DUOX2: variants seen among roughly 807,000 people sequenced by gnomAD.
DUOX2 encodes the protein dual oxidase 2.
Under a neutral mutation model 183.3 loss-of-function variants are expected in DUOX2, and 185 were observed. The ratio of observed to expected loss-of-function variants is 1.01; its 90% CI spans 0.90 to 1.14. The LOEUF (loss-of-function observed/expected upper bound fraction) is 1.14, where lower values mean the gene tolerates loss of function less well. Among genes scored for constraint, DUOX2 ranks in the 50% most tolerant of loss-of-function variants. DUOX2 has a pLI of 0.00. For synonymous variants in DUOX2, 788 were observed against 812.4 expected, an observed-to-expected ratio of 0.97 and a Z score of 0.51; for missense variants, 1,999 against 2,022.9, an observed-to-expected ratio of 0.99 and a Z score of 0.23.
intron 20 of DUOX2, among the ~76,000 whole-genome samples, chr15:45,102,305 G>T (rs1480090069): frequency 2.0e-5 from 3 of 152,196 alleles, no homozygotes; most frequent in African/African-American, 7.2e-5. Flanking sequence ...CTCGTGGCAG[G>T]CTCTCTGTCC....
chr15:45,113,404 C>T lies in DUOX2; in HGVS notation c.8G>A (p.Arg3His). ML[R>H]ARPEALMLLG... is the part of the protein sequence containing the mutation. ...GAGCATCAGTGCCTCTGGTCTTGCA[C>T]GGAGCATGCCAACCCTGCAGCCTGC... The change falls in exon 2 of 34, where the codon CGT becomes CAT. Residue 3 changes from arginine to histidine, a missense_variant. Physicochemically the swap from Arg to His is conservative, Grantham distance 29. Transcript: ENST00000389039. The T allele has an allele frequency of 6.4e-7, 1 of 1,562,898 alleles. No homozygotes were observed. The highest frequency in any genetic ancestry group is 1.2e-5 in the South Asian group (1 of 85,048).
rs760019432 is a variant in DUOX2, at chr15:45,106,860, G to A, written c.1803C>T (p.Thr601=). The A allele has an allele frequency of 1.1e-5, 18 of 1,592,170 alleles. No individual in the cohort carries two copies. Among genetic ancestry groups the A allele is most frequent in the Non-Finnish European group, 4.3e-6 (5 of 1,170,154 alleles). The part of the protein sequence containing the change: ...FEGSSPGFAI[T]IIALCCLPLV... ...AGGGAAGGCAGCAGAGAGCAATGAT[G>A]GTGATGGCAAAACCAGGGCTGCTGC... Residue 601 remains threonine, a synonymous_variant, in exon 15 of 34, where the codon ACC becomes ACT. Coordinates refer to ENST00000389039, the MANE Select transcript of DUOX2 (RefSeq NM_001363711.2).
chr15:45,110,406 T>A (rs771055291), intron 9 of DUOX2, 22 bp downstream of exon 9: 1 of 1,605,846 alleles, frequency 6.2e-7, no homozygotes, highest in South Asian at 1.1e-5. Flanking sequence ...GTGGTGCCCC[T>A]CTCTGCCAAC....
chr15:45,103,607 AGC>A (rs760914571), intron 20 of DUOX2, among the ~76,000 whole-genome samples: 1 of 152,208 alleles, frequency 6.6e-6, no homozygotes, highest in Non-Finnish European at 1.5e-5. Flanking sequence ...CACTGGGTAG[AGC>A]ACGGTGTTGG....
At chr15:45,095,622 G>A in intron 30 of DUOX2, 27 bp from the exon 31 acceptor site, 5 of 1,614,166 alleles carry the variant, frequency 3.1e-6, no homozygotes, top group Non-Finnish European at 4.2e-6. Flanking sequence ...GAGATGAAAT[G>A]AGCCTGACCC....
rs772920789 is a variant in DUOX2 at position 45,105,600 on chromosome 15, T to G, written c.2334+43A>C. On this transcript the variant is annotated intron_variant, in intron 18 of 33. Transcript: ENST00000389039. Reference sequence around the variant, plus strand: ...TCTATGCAGCCCAGGTTTCCTCCATTTCTGGGGCTGGACCCATCTCCAAAA... The same window carrying G: ...TCTATGCAGCCCAGGTTTCCTCCATGTCTGGGGCTGGACCCATCTCCAAAA... The G allele has an allele frequency of 2.1e-5, 34 of 1,613,154 alleles. No individual in the cohort carries two copies. In the Middle Eastern group the frequency reaches 8.3e-4, roughly 39 times the overall value.
chr15:45,111,576 C>G lies in DUOX2; in HGVS notation c.523G>C (p.Val175Leu). ...PSNPRDLANQVTGWLDGSAIY... is the reference protein window; with the variant it reads ...PSNPRDLANQLTGWLDGSAIY... ...GCGCTGCCGTCCAGCCAGCCCGTCA[C>G]CTGGTTGGCCTGCGGGGCACGCGGC... The change falls in exon 6 of 34, where the codon GTG becomes CTG. Residue 175 changes from valine (V) to leucine (L), a missense_variant. This residue lies in a region of DUOX2 where 356 missense variants were observed against 356.4 expected (regional missense o/e 1.00). Coordinates refer to ENST00000389039, the MANE Select transcript of DUOX2 (RefSeq NM_001363711.2). 6.5e-7 allele frequency: 1 copy of G among 1,541,308 alleles called. No homozygotes were observed.
chr15:45,109,402 A>T, intron 11 of DUOX2, 122 bp downstream of exon 11: 1 of 804,504 alleles, frequency 1.2e-6, no homozygotes, highest in Non-Finnish European at 2.1e-6. Context: ...TGGCTCCTTG[A>T]AGTCTGTGTT....
rs1479336868 is a variant in DUOX2, at chr15:45,094,192, C to A, written c.4605G>T (p.Arg1535Ser). 12 of 1,613,964 alleles carry A rather than the reference C, an allele frequency of 7.4e-6. No individual in the cohort carries two copies. The highest frequency in any genetic ancestry group is 9.3e-6 in the Non-Finnish European group (11 of 1,180,026). The change falls in exon 34 of 34, where the codon AGG becomes AGT. Residue 1535 changes from arginine (R) to serine (S), a missense_variant. Physicochemically the swap from Arg to Ser is moderately radical, Grantham distance 110. Around this residue, in one of 3 missense-constraint regions of DUOX2, gnomAD observed 1,628 missense variants for 1,608.6 expected, o/e 1.01. Coordinates refer to ENST00000389039, the MANE Select transcript of DUOX2 (RefSeq NM_001363711.2). ...GGTGCATGAAGTGGGCTCGGTCCTG[C>A]CTGTTGACGAGCTGACAGGCCTTCT... Reference protein sequence around the residue: ...NVEKACQLVNRQDRAHFMHHY... With the variant: ...NVEKACQLVNSQDRAHFMHHY...
In DUOX2 at chr15:45,109,604, T is replaced by A. The variant is rs1173460334; in HGVS notation, c.1154A>T (p.Gln385Leu). Residue 385 changes from glutamine (Q) to leucine (L), a missense_variant, in exon 11 of 34, where the codon CAG becomes CTG. By Grantham distance (113) the Gln-to-Leu change is moderately radical. Transcript: ENST00000389039. Reference sequence around the variant, plus strand: ...TCCCAGCAGCAGCTCATTCACCTCCTGGGTACTGTTCAGATTGGGGTTCTG... The same window carrying A: ...TCCCAGCAGCAGCTCATTCACCTCCAGGGTACTGTTCAGATTGGGGTTCTG... The part of the protein sequence containing the change: ...IRENPNLNST[Q>L]EVNELLLGMA... 1 of 1,614,052 alleles carries A rather than the reference T, an allele frequency of 6.2e-7. No homozygotes were observed. Among genetic ancestry groups the A allele is most frequent in the African/African-American group, 1.3e-5 (1 of 74,916 alleles).
Position 45,106,544 on chromosome 15 carries a change from G to A in DUOX2, c.1929C>T (p.Ala643=), listed in dbSNP as rs1253138093. 1 of 1,614,032 alleles carries A rather than the reference G, an allele frequency of 6.2e-7. No individual in the cohort carries two copies. The change falls in exon 16 of 34, where the codon GCC becomes GCT. Residue 643 remains alanine, a synonymous_variant. Coordinates refer to ENST00000389039, the MANE Select transcript of DUOX2 (RefSeq NM_001363711.2). ...KLKESVKKEA[A]KDGVPAMEWP... is the part of the protein sequence containing the mutation. Reference sequence around the variant, plus strand: ...CCTGCTCACCTGGCACTCCATCTTTGGCTGCTTCCTTCTTCACGCTCTCTT... The same window carrying A: ...CCTGCTCACCTGGCACTCCATCTTTAGCTGCTTCCTTCTTCACGCTCTCTT...
intron 13 of DUOX2, 119 bp from the exon 14 acceptor site, chr15:45,107,582 G>A: frequency 1.8e-6 from 2 of 1,081,458 alleles, no homozygotes; most frequent in East Asian, 2.4e-5. Context: ...AGTGGCTCAT[G>A]CCTGTAATCC....
intron 17 of DUOX2, 22 bp from the exon 18 acceptor site, chr15:45,105,850 C>T: frequency 6.2e-7 from 1 of 1,613,678 alleles, no homozygotes; most frequent in Non-Finnish European, 8.5e-7. Flanking sequence ...GAAGGCGGCA[C>T]TGACGCAGGG....
chr15:45,094,041 G>T lies in DUOX2; in HGVS notation c.*109C>A. On this transcript the variant is annotated 3_prime_UTR_variant, in exon 34 of 34. Transcript: ENST00000389039. ...TTGGGAGGGGCTCTGCAGCCCTCCA[G>T]CTGAGGCCTAAGGTGGATTCTGATG... The T allele has an allele frequency of 6.8e-7, 1 of 1,480,690 alleles. No homozygotes were observed. The highest frequency in any genetic ancestry group is 1.4e-5 in the African/African-American group (1 of 72,330). 91.7% of individuals were successfully genotyped at this position (1,480,690 alleles called of 1,614,324 possible). A position where few individuals can be genotyped will look rare whatever the true frequency, so the allele number is the denominator to read the frequency against.
rs1894528187 is a variant in DUOX2 at position 45,113,916 on chromosome 15, T to C, written c.-15+57A>G. 1.5e-5 allele frequency: 3 copies of C among 203,148 alleles called. No individual in the cohort carries two copies. In the Admixed American group the frequency reaches 1.6e-4, roughly 11 times the overall value. The allele number at this position is 203,148 out of a possible 1,614,324, so 12.6% of individuals were successfully genotyped here. On this transcript the variant is annotated intron_variant, in intron 1 of 33. Coordinates refer to ENST00000389039, the MANE Select transcript of DUOX2 (RefSeq NM_001363711.2). ...TCCCCAATAAACTCCCCTTCTGCAA[T>C]GAACGCCTGTGCATGATGGGCGAGG...
At chr15:45,096,215 C>T (rs1000696834) in intron 29 of DUOX2, among the ~76,000 whole-genome samples, 155 bp from the exon 30 acceptor site, 4 of 152,060 alleles carry the variant, frequency 2.6e-5, no homozygotes, top group Non-Finnish European at 5.9e-5. Context: ...TAGGAGGGTC[C>T]CCTTCTCTGT....
chr15:45,099,535 G>C lies in DUOX2; in HGVS notation c.3416-53C>G, dbSNP rs139366597. The C allele has an allele frequency of 1.7e-5, 27 of 1,590,340 alleles. No individual in the cohort carries two copies. In the South Asian group the frequency reaches 2.7e-4, roughly 16 times the overall value. On this transcript the variant is annotated intron_variant, in intron 25 of 33. Coordinates refer to ENST00000389039, the MANE Select transcript of DUOX2 (RefSeq NM_001363711.2). ...GCCAACCAGGACAGACTCTACCTCC[G>C]ATCCTGAGGGAGAGAGGAGGCATAG...
chr15:45,106,061 C>A, intron 17 of DUOX2, 64 bp downstream of exon 17: 1 of 1,582,670 alleles, frequency 6.3e-7, no homozygotes, highest in Non-Finnish European at 8.7e-7. Flanking sequence ...GATAGGGTGG[C>A]CTCGCTTGTG....
At chr15:45,112,277 G>C (rs1292767685) in intron 4 of DUOX2, among the ~76,000 whole-genome samples, 1 of 152,166 alleles carries the variant, frequency 6.6e-6, no homozygotes, top group African/African-American at 2.4e-5. Context: ...GAGGAGAGCG[G>C]TGGCTGGGGA....
Sources: allele counts gnomAD v4.1 joint callset (sites outside exome capture counted in the v4.1 genomes callset), GRCh38; gene constraint gnomAD v4.1.1; regional missense constraint gnomAD v4.1.1; transcripts MANE v1.5; gene names NCBI Gene and HGNC (gene_info 2026-07-23, HGNC 2026-07-21).